Variants in CFAP54 observed in about 807,000 individuals in gnomAD.
CFAP54 encodes cilia- and flagella-associated protein 54.
A neutral mutation model predicts 370.4 loss-of-function variants in CFAP54; 290 were observed. The ratio of observed to expected loss-of-function variants is 0.78; its 90% CI spans 0.71 to 0.86. The LOEUF (loss-of-function observed/expected upper bound fraction) is 0.86. CFAP54 is among the 40% of genes least tolerant of loss of function. CFAP54 has a pLI of 0.00. For synonymous variants in CFAP54, 1,206 were observed against 1,236.5 expected (o/e 0.98, Z 0.52); for missense variants, 3,399 against 3,528.7 (o/e 0.96, Z 0.93).
intron 39 of CFAP54, among the ~76,000 whole-genome samples, chr12:96,679,188 A>C (rs530136287): frequency 2.0e-5 from 3 of 152,104 alleles, no homozygotes; most frequent in Admixed American, 2.0e-4. Flanking sequence ...CCGAGAGCAG[A>C]TGCCCATCTC....
At chr12:96,683,720 C>T (rs1957294913) in intron 40 of CFAP54, among the ~76,000 whole-genome samples, 1 of 152,064 alleles carries the variant, frequency 6.6e-6, no homozygotes, top group Admixed American at 6.6e-5. Flanking sequence ...AAACCACTGC[C>T]ATGTTGGTTG....
chr12:96,537,404 C>T (rs986069108), intron 12 of CFAP54, among the ~76,000 whole-genome samples: 1 of 152,080 alleles, frequency 6.6e-6, no homozygotes. Flanking sequence ...TACAGTGGTG[C>T]AATTTTGGCT....
chr12:96,848,660 T>G (rs989965373), intron 66 of CFAP54, among the ~76,000 whole-genome samples: 1 of 152,066 alleles, frequency 6.6e-6, no homozygotes, highest in African/African-American at 2.4e-5. Flanking sequence ...ATCGCACCAC[T>G]GCACTCCAGC....
At chr12:96,613,126 G>T (rs1956377062) in intron 26 of CFAP54, among the ~76,000 whole-genome samples, 1 of 152,268 alleles carries the variant, frequency 6.6e-6, no homozygotes, top group East Asian at 1.9e-4. Flanking sequence ...TGGAAGTAAA[G>T]CACTCCTTAG....
intron 66 of CFAP54, among the ~76,000 whole-genome samples, chr12:96,835,341 T>A (rs556452693): frequency 7.1e-4 from 108 of 152,224 alleles, no homozygotes; most frequent in Non-Finnish European, 1.1e-3. Context: ...AGGGCTTTTA[T>A]GGGCCTCAGA....
chr12:96,648,024 T>C lies in CFAP54; in HGVS notation c.4690+7T>C. On this transcript the variant is annotated splice_region_variant and intron_variant, in intron 34 of 67. Coordinates refer to ENST00000524981, the MANE Select transcript of CFAP54 (RefSeq NM_001306084.2). The stretch of plus-strand genomic sequence containing the variant: ...AAGGCCAACTTACCATCAGGTAAAA[T>C]AAACATGTTAGTTTATTATTAAATT... 1.3e-6 allele frequency: 2 copies of C among 1,494,784 alleles called. No individual in the cohort carries two copies. Among genetic ancestry groups the C allele is most frequent in the Non-Finnish European group, 1.8e-6 (2 of 1,133,430 alleles). 92.6% of individuals were successfully genotyped at this position (1,494,784 alleles called of 1,614,324 possible).
chr12:96,691,985 T>A (rs1477724322), intron 44 of CFAP54, among the ~76,000 whole-genome samples: 1 of 152,156 alleles, frequency 6.6e-6, no homozygotes, highest in African/African-American at 2.4e-5. Flanking sequence ...TTTTCGCATC[T>A]CTTTTTCTCC....
chr12:96,834,635 A>T (rs1415245278), intron 66 of CFAP54, among the ~76,000 whole-genome samples: 2 of 152,240 alleles, frequency 1.3e-5, no homozygotes, highest in Non-Finnish European at 2.9e-5. Flanking sequence ...AAGCCTGGAG[A>T]TGCCAGGAAC....
chr12:96,841,563 C>T lies in CFAP54; in HGVS notation c.9171+12475C>T, dbSNP rs556222623. ...TAAAGAAGAAGCAGGTGTGAATTTA[C>T]CCATTTCCCTTGTTGACTTTGGGCA... On this transcript the variant is annotated intron_variant, in intron 66 of 67. Transcript: ENST00000524981. Among the ~76,000 whole-genome samples the T allele has an allele frequency of 1.9e-4, 29 of 152,304 alleles. No homozygotes were observed. The South Asian group carries it at 6.0e-3, about 32-fold the overall frequency.
chr12:96,541,298 T>C (rs1955566359), intron 14 of CFAP54, among the ~76,000 whole-genome samples: 1 of 151,444 alleles, frequency 6.6e-6, no homozygotes, highest in Non-Finnish European at 1.5e-5. Context: ...TTTTTTTTTT[T>C]TTTTTGAGAC....
chr12:96,509,378 G>C lies in CFAP54; in HGVS notation c.739+2279G>C, dbSNP rs150625319. Among the ~76,000 whole-genome samples the C allele has an allele frequency of 4.7e-3, 712 of 152,268 alleles. 4 individuals carry two copies. Among genetic ancestry groups the C allele is most frequent in the African/African-American group, 0.016 (676 of 41,546 alleles). On this transcript the variant is annotated intron_variant, in intron 4 of 67. Transcript: ENST00000524981. ...AATTTAAGTAGTCAAAACTATATTT[G>C]ACTGAAAATGTCAAATGTGCCTTGA...
At chr12:96,649,065 T>C (rs190194013) in intron 34 of CFAP54, among the ~76,000 whole-genome samples, 46 of 152,340 alleles carry the variant, frequency 3.0e-4, no homozygotes, top group Non-Finnish European at 4.4e-5. Flanking sequence ...CATACTCATA[T>C]AGACTTTTAG....
intron 39 of CFAP54, among the ~76,000 whole-genome samples, chr12:96,673,296 C>T (rs953706260): frequency 9.2e-5 from 14 of 152,112 alleles, no homozygotes; most frequent in Admixed American, 5.9e-4. Context: ...TTGAGTGCTC[C>T]ACTGTGCTAC....
In CFAP54 at chr12:96,792,401, A is replaced by G. The variant is rs1958709869; in HGVS notation, c.8752A>G (p.Thr2918Ala). 1 of 1,535,902 alleles carries G rather than the reference A, an allele frequency of 6.5e-7. No homozygotes were observed. The highest frequency in any genetic ancestry group is 8.7e-7 in the Non-Finnish European group (1 of 1,146,768). ...PVSGSSCVDI[T>A]PIEMVTQASN... ...TTCAGGCTCATCTTGTGTGGACATA[A>G]CGCCAATAGAAATGGTAACGCAAGC... The change falls in exon 63 of 68, where the codon ACG becomes GCG. Residue 2918 changes from threonine (T) to alanine (A), a missense_variant. Around this residue, in one of 3 missense-constraint regions of CFAP54, gnomAD observed 2,796 missense variants for 2,869.7 expected, o/e 0.97. Coordinates refer to ENST00000524981, the MANE Select transcript of CFAP54 (RefSeq NM_001306084.2).
intron 67 of CFAP54, among the ~76,000 whole-genome samples, chr12:96,874,584 ATTGTT>A (rs1171673208): frequency 6.9e-6 from 1 of 144,010 alleles, no homozygotes; most frequent in Non-Finnish European, 1.5e-5. Context: ...TTCAGGAACA[ATTGTT>A]CTGTTCTGTT....
chr12:96,536,987 A>ACAATT (rs78301597), intron 12 of CFAP54, among the ~76,000 whole-genome samples: 42,217 of 147,388 alleles, frequency 0.29, 6,150 homozygotes, highest in South Asian at 0.38. Flanking sequence ...TCAATTCAAT[A>ACAATT]CAATTCAATT....
intron 26 of CFAP54, among the ~76,000 whole-genome samples, chr12:96,605,847 A>G (rs1004873195): frequency 4.6e-5 from 7 of 152,132 alleles, no homozygotes; most frequent in African/African-American, 1.7e-4. Context: ...CACTCTGGGG[A>G]TGAGACTTAG....
intron 64 of CFAP54, among the ~76,000 whole-genome samples, chr12:96,814,236 T>C (rs1008487388): frequency 6.6e-6 from 1 of 152,228 alleles, no homozygotes; most frequent in African/African-American, 2.4e-5. Flanking sequence ...TCTCTAGGTA[T>C]TGGAATAAAA....
At chr12:96,791,930 AC>A (rs1396381801) in intron 62 of CFAP54, among the ~76,000 whole-genome samples, 1 of 151,028 alleles carries the variant, frequency 6.6e-6, no homozygotes, top group Admixed American at 6.6e-5. Context: ...GCTCACTGCA[AC>A]CTCTGCCTCC....
Sources: gnomAD v4.1 joint callset for allele counts (sites outside exome capture counted in the v4.1 genomes callset) on GRCh38, gnomAD v4.1.1 for gene constraint, gnomAD v4.1.1 regional missense constraint, MANE v1.5 for transcripts, NCBI Gene and HGNC (gene_info 2026-07-23, HGNC 2026-07-21) for gene names.